The following PPP1CB variants were observed in gnomAD, a reference collection of about 807,000 sequenced individuals.
PPP1CB encodes protein phosphatase 1 catalytic subunit beta.
Under a neutral mutation model 43.7 loss-of-function variants are expected in PPP1CB, and 2 were observed. The ratio of observed to expected loss-of-function variants is 0.05; its 90% CI spans 0.02 to 0.14. PPP1CB has a LOEUF of 0.14. PPP1CB is among the 10% of genes least tolerant of loss of function. PPP1CB has a pLI of 1.00. For missense variants in PPP1CB, 84 were observed against 398.0 expected, an observed-to-expected ratio of 0.21 and a Z score of 6.71; for synonymous variants, 136 against 135.6, an observed-to-expected ratio of 1.00 and a Z score of -0.02.
In PPP1CB at chr2:28,771,047, C is replaced by CA. The variant is rs1243271763; in HGVS notation, c.53-5804_53-5803insA. Among the ~76,000 whole-genome samples the CA allele has an allele frequency of 3.1e-5, 3 of 98,356 alleles. No individual in the cohort carries two copies. The Admixed American group carries it at 3.4e-4, about 11-fold the overall frequency. The allele number at this position is 98,356 out of a possible 152,430, so 64.5% of individuals were successfully genotyped here. A position where few individuals can be genotyped will look rare whatever the true frequency, so the allele number is the denominator to read the frequency against. ...TACCTACTTATTCCCTGCTCCCCCCCCCCCACCCTTTTTTTTTTTTTTTGA... is the reference window on the plus strand; with the variant it reads ...TACCTACTTATTCCCTGCTCCCCCCCACCCCACCCTTTTTTTTTTTTTTTGA... On this transcript the variant is annotated intron_variant, in intron 1 of 7. Transcript: ENST00000395366.
chr2:28,751,764 G>T (rs1324436003), upstream of PPP1CB: 2 of 331,528 alleles, frequency 6.0e-6, no homozygotes, highest in Non-Finnish European at 5.6e-6. Context: ...TGACGCGGCG[G>T]CGCGCAAGGG....
At chr2:28,761,514 C>T (rs1391877285) in intron 1 of PPP1CB, among the ~76,000 whole-genome samples, 1 of 152,146 alleles carries the variant, frequency 6.6e-6, no homozygotes, top group African/African-American at 2.4e-5. Flanking sequence ...AAATGTTAGC[C>T]GTCATTATTG....
intron 1 of PPP1CB, among the ~76,000 whole-genome samples, chr2:28,756,650 AT>A (rs894389311): frequency 1.1e-4 from 16 of 152,030 alleles, no homozygotes; most frequent in Admixed American, 9.2e-4. Flanking sequence ...TGGCTGGCTA[AT>A]TTTTTTTATT....
chr2:28,752,077 G>T lies in PPP1CB; in HGVS notation c.-48G>T, dbSNP rs1431508915. On this transcript the variant is annotated 5_prime_UTR_variant, in exon 1 of 8. Transcript: ENST00000395366. Reference sequence around the variant, plus strand: ...AGCCGTCGCCGCAGCCTCCGCCGCCGAGAAGCCCTTGTTCCCGCTGCTGGG... The same window carrying T: ...AGCCGTCGCCGCAGCCTCCGCCGCCTAGAAGCCCTTGTTCCCGCTGCTGGG... 6.5e-7 allele frequency: 1 copy of T among 1,542,490 alleles called. No individual in the cohort carries two copies. Among genetic ancestry groups the T allele is most frequent in the South Asian group, 1.2e-5 (1 of 83,878 alleles).
rs191452050 is a variant in PPP1CB, at chr2:28,801,403, A to C, written c.*2100A>C. ...TGGCTTTTGTAAATTCATCCAGGTC[A>C]AGACTAAGTATGTTGGTTAATAGGA... On this transcript the variant is annotated 3_prime_UTR_variant, in exon 8 of 8. Coordinates refer to ENST00000395366, the MANE Select transcript of PPP1CB (RefSeq NM_002709.3). 3 of 152,148 alleles carry C rather than the reference A, an allele frequency of 2.0e-5. No individual in the cohort carries two copies. In the East Asian group the frequency reaches 5.8e-4, roughly 29 times the overall value. The allele number at this position is 152,148 out of a possible 1,614,324, so 9.4% of individuals were successfully genotyped here. A position where few individuals can be genotyped will look rare whatever the true frequency, so the allele number is the denominator to read the frequency against.
intron 1 of PPP1CB, among the ~76,000 whole-genome samples, chr2:28,759,520 CAAAAA>C (rs559532367): frequency 3.5e-4 from 35 of 100,814 alleles, no homozygotes; most frequent in Admixed American, 4.8e-4. Context: ...ACTGCATCTC[CAAAAA>C]AAAAAAAAAA....
intron 7 of PPP1CB, among the ~76,000 whole-genome samples, chr2:28,798,128 T>C (rs1287870235): frequency 1.3e-5 from 2 of 152,146 alleles, no homozygotes; most frequent in East Asian, 3.8e-4. Flanking sequence ...CTAAATAGTT[T>C]TTAAAAAATA....
chr2:28,760,729 C>G (rs555922293), intron 1 of PPP1CB, among the ~76,000 whole-genome samples: 1 of 152,168 alleles, frequency 6.6e-6, no homozygotes, highest in African/African-American at 2.4e-5. Flanking sequence ...TGTTACATAG[C>G]TTTCACTAAT....
chr2:28,761,044 G>A (rs996109977), intron 1 of PPP1CB, among the ~76,000 whole-genome samples: 2 of 152,158 alleles, frequency 1.3e-5, no homozygotes, highest in Admixed American at 6.5e-5. Flanking sequence ...GGGATTACAG[G>A]CGCCTGCCAC....
intron 3 of PPP1CB, among the ~76,000 whole-genome samples, chr2:28,780,461 T>C (rs764470763): frequency 2.0e-5 from 3 of 152,194 alleles, no homozygotes; most frequent in Admixed American, 6.5e-5. Context: ...TGAGATGTAG[T>C]GTGTGGTTTG....
intron 1 of PPP1CB, among the ~76,000 whole-genome samples, chr2:28,771,620 G>A (rs895210827): frequency 6.6e-6 from 1 of 152,070 alleles, no homozygotes; most frequent in Non-Finnish European, 1.5e-5. Context: ...CTGCCATTGC[G>A]GTTCAGTGGG....
chr2:28,782,056 A>G (rs547406119), intron 4 of PPP1CB: 1 of 598,466 alleles, frequency 1.7e-6, no homozygotes, highest in East Asian at 3.1e-5. Flanking sequence ...TTCACATATA[A>G]GGAGTGTAAC....
chr2:28,800,792 T>A lies in PPP1CB; in HGVS notation c.*1489T>A, dbSNP rs894484774. On this transcript the variant is annotated 3_prime_UTR_variant, in exon 8 of 8. Coordinates refer to ENST00000395366, the MANE Select transcript of PPP1CB (RefSeq NM_002709.3). ...ATGGACATCATATCTATAATGCCCTTCTATATGTGCTACCATAGATGTGAC... is the reference window on the plus strand; with the variant it reads ...ATGGACATCATATCTATAATGCCCTACTATATGTGCTACCATAGATGTGAC... The A allele has an allele frequency of 1.3e-4, 20 of 152,540 alleles. No individual in the cohort carries two copies. Among genetic ancestry groups the A allele is most frequent in the Admixed American group, 2.6e-4 (4 of 15,280 alleles). 9.4% of individuals were successfully genotyped at this position (152,540 alleles called of 1,614,324 possible). A position where few individuals can be genotyped will look rare whatever the true frequency, so the allele number is the denominator to read the frequency against.
chr2:28,763,003 T>G (rs112598809), intron 1 of PPP1CB, among the ~76,000 whole-genome samples: 1 of 152,220 alleles, frequency 6.6e-6, no homozygotes, highest in African/African-American at 2.4e-5. Context: ...CAGGGTCACT[T>G]TGTTCATGTT....
chr2:28,781,900 C>T (rs1211214863), intron 4 of PPP1CB, 58 bp downstream of exon 4: 2 of 1,142,544 alleles, frequency 1.8e-6, no homozygotes, highest in Non-Finnish European at 2.6e-6. Flanking sequence ...CGGAAAATAC[C>T]TATAATAATC....
chr2:28,781,997 A>G, intron 4 of PPP1CB, 155 bp downstream of exon 4: 1 of 662,152 alleles, frequency 1.5e-6, no homozygotes, highest in Non-Finnish European at 2.7e-6. Context: ...TCTTTTAAAA[A>G]TTAGAAATTT....
chr2:28,771,574 C>G (rs890493367), intron 1 of PPP1CB, among the ~76,000 whole-genome samples: 4 of 152,078 alleles, frequency 2.6e-5, no homozygotes, highest in Non-Finnish European at 5.9e-5. Flanking sequence ...TAAAAACAGA[C>G]CTGTTCCTGT....
At chr2:28,760,986 C>T (rs571922097) in intron 1 of PPP1CB, among the ~76,000 whole-genome samples, 6 of 152,092 alleles carry the variant, frequency 3.9e-5, no homozygotes, top group African/African-American at 1.2e-4. Flanking sequence ...CTGCAGCCTC[C>T]GCCTCCTGGG....
chr2:28,757,065 G>A (rs966984043), intron 1 of PPP1CB, among the ~76,000 whole-genome samples: 1 of 151,792 alleles, frequency 6.6e-6, no homozygotes, highest in African/African-American at 2.4e-5. Flanking sequence ...TTCCCTCCCG[G>A]CCCCCACTAA....
Sources: gnomAD v4.1 joint callset for allele counts (sites outside exome capture counted in the v4.1 genomes callset) on GRCh38, gnomAD v4.1.1 for gene constraint, MANE v1.5 for transcripts, NCBI Gene and HGNC (gene_info 2026-07-23, HGNC 2026-07-21) for gene names.